The following ATP10A variants were observed in gnomAD, a reference collection of about 807,000 sequenced individuals.
ATP10A encodes phospholipid-transporting ATPase VA.
In ATP10A, 111 loss-of-function variants were observed where a neutral mutation model predicts 147.8. That is an observed-to-expected ratio of 0.75 (90% confidence interval 0.64 to 0.88). The LOEUF is 0.88. Among genes scored for constraint, ATP10A ranks in the 40% least tolerant of loss-of-function variants. ATP10A has a pLI of 0.00. For synonymous variants in ATP10A, 875 were observed against 841.6 expected (o/e 1.04, Z -0.69); for missense variants, 1,927 against 1,959.0 (o/e 0.98, Z 0.31).
chr15:25,842,323 T>C (rs961771109), intron 1 of ATP10A, among the ~76,000 whole-genome samples: 1 of 152,192 alleles, frequency 6.6e-6, no homozygotes, highest in Non-Finnish European at 1.5e-5. Flanking sequence ...ATACAGGAGA[T>C]AAAACAGAAG....
Position 25,679,861 on chromosome 15 carries a change from T to TAGGG in ATP10A, c.3979_3980insCCCT (p.Gln1327ProfsTer86), listed in dbSNP as rs1051165903. 2.5e-6 allele frequency: 4 copies of TAGGG among 1,610,266 alleles called. No homozygotes were observed. In the African/African-American group the frequency reaches 5.3e-5, roughly 21 times the overall value. On this transcript the variant is annotated frameshift_variant, in exon 21 of 21. Transcript: ENST00000555815. LOFTEE classifies it high-confidence loss of function. ...TCCCGAGTCCTTCGGGAGGCGTCCC[T>TAGGG]GAGCAAAGGTCTCTTTGGGAGCACT... is the stretch of plus-strand genomic sequence containing the variant.
chr15:25,680,703 C>G (rs1291781652), intron 19 of ATP10A, 107 bp downstream of exon 19: 3 of 1,029,588 alleles, frequency 2.9e-6, no homozygotes, highest in Non-Finnish European at 4.5e-6. Context: ...GCTTTGCAGT[C>G]TCCTGTCTAC....
chr15:25,756,826 T>C (rs1888440834), intron 2 of ATP10A, among the ~76,000 whole-genome samples: 1 of 152,218 alleles, frequency 6.6e-6, no homozygotes, highest in Non-Finnish European at 1.5e-5. Context: ...ATCAGCAAAA[T>C]ACCTGTGTAT....
intron 2 of ATP10A, among the ~76,000 whole-genome samples, chr15:25,773,436 G>C (rs1226928088): frequency 2.0e-5 from 3 of 152,142 alleles, no homozygotes; most frequent in African/African-American, 7.2e-5. Context: ...AAGCAGAAGG[G>C]AAATGACACA....
intron 14 of ATP10A, among the ~76,000 whole-genome samples, chr15:25,693,870 A>G (rs915566640): frequency 1.3e-5 from 2 of 152,200 alleles, no homozygotes; most frequent in African/African-American, 4.8e-5. Flanking sequence ...TGAGGTGCCC[A>G]CTGTGAACAG....
chr15:25,840,327 C>T (rs1892759750), intron 1 of ATP10A, among the ~76,000 whole-genome samples: 1 of 152,130 alleles, frequency 6.6e-6, no homozygotes, highest in African/African-American at 2.4e-5. Flanking sequence ...GTTATCTTTT[C>T]TGCTTCTCTT....
chr15:25,748,994 C>T (rs1887998977), intron 2 of ATP10A, among the ~76,000 whole-genome samples: 1 of 140,942 alleles, frequency 7.1e-6, no homozygotes, highest in Non-Finnish European at 1.5e-5. Flanking sequence ...AACTGAGAGG[C>T]AGAGGTTGCA....
At chr15:25,698,442 C>T (rs1313362435) in intron 13 of ATP10A, among the ~76,000 whole-genome samples, 1 of 152,132 alleles carries the variant, frequency 6.6e-6, no homozygotes, top group African/African-American at 2.4e-5. Context: ...ATTTTCTTTT[C>T]TCTAGCTTAC....
intron 1 of ATP10A, chr15:25,862,431 A>C: frequency 3.0e-6 from 2 of 663,864 alleles, no homozygotes; most frequent in Non-Finnish European, 5.4e-6. Context: ...GCGTCCCCGC[A>C]TCCAGGGCGC....
rs74003901 is a variant in ATP10A, at chr15:25,803,633, G to A, written c.450-22410C>T. On this transcript the variant is annotated intron_variant, in intron 1 of 20. Transcript: ENST00000555815. ...CATCACTAACACTTGTTCTACACAC[G>A]TATACATTCCCCAGGATCCAAGGCC... Among the ~76,000 whole-genome samples the A allele has an allele frequency of 3.9e-3, 593 of 152,262 alleles. 4 individuals carry two copies. The highest frequency in any genetic ancestry group is 0.014 in the African/African-American group (570 of 41,546).
intron 12 of ATP10A, among the ~76,000 whole-genome samples, chr15:25,707,589 A>C (rs1901111286): frequency 6.6e-6 from 1 of 152,210 alleles, no homozygotes; most frequent in Non-Finnish European, 1.5e-5. Context: ...ATTCACCTCG[A>C]ATCTGTGAAA....
chr15:25,780,222 T>A (rs948171944), intron 2 of ATP10A, among the ~76,000 whole-genome samples: 3 of 152,234 alleles, frequency 2.0e-5, no homozygotes, highest in Non-Finnish European at 4.4e-5. Context: ...AAAAGCCCAG[T>A]GGCATCCTCC....
At chr15:25,777,363 G>T (rs1889665954) in intron 2 of ATP10A, among the ~76,000 whole-genome samples, 1 of 152,086 alleles carries the variant, frequency 6.6e-6, no homozygotes, top group Admixed American at 6.6e-5. Context: ...TCCAGCAACT[G>T]CTCCTGGCAT....
At chr15:25,840,597 A>T (rs866324133) in intron 1 of ATP10A, among the ~76,000 whole-genome samples, 24 of 151,090 alleles carry the variant, frequency 1.6e-4, no homozygotes, top group Admixed American at 4.6e-4. Context: ...GTTATTATTT[A>T]AAAAAAAATG....
intron 2 of ATP10A, among the ~76,000 whole-genome samples, chr15:25,774,701 T>C (rs1037501941): frequency 6.7e-6 from 1 of 150,374 alleles, no homozygotes. Context: ...AAAAAAAAAA[T>C]CTTCTTCGGG....
At chr15:25,683,187 T>A in intron 17 of ATP10A, 99 bp downstream of exon 17, 1 of 1,104,394 alleles carries the variant, frequency 9.1e-7, no homozygotes, top group South Asian at 1.4e-5. Flanking sequence ...TTGTCCAGGG[T>A]GTCCATCTGA....
chr15:25,830,161 C>T (rs1439471174), intron 1 of ATP10A, among the ~76,000 whole-genome samples: 1 of 152,082 alleles, frequency 6.6e-6, no homozygotes, highest in Non-Finnish European at 1.5e-5. Flanking sequence ...GGTGATGTGC[C>T]GCTGCCAGCA....
At chr15:25,757,829 CCTAA>C (rs1290695822) in intron 2 of ATP10A, among the ~76,000 whole-genome samples, 2 of 147,770 alleles carry the variant, frequency 1.4e-5, no homozygotes, top group Admixed American at 6.7e-5. Flanking sequence ...CCTGCTCCAC[CCTAA>C]CTCATTCCGA....
chr15:25,756,400 T>G (rs1207677472), intron 2 of ATP10A, among the ~76,000 whole-genome samples: 2 of 152,106 alleles, frequency 1.3e-5, no homozygotes, highest in Non-Finnish European at 2.9e-5. Context: ...TCCCAGCACT[T>G]TGGGAGGCCG....
Sources: gnomAD v4.1 joint callset for allele counts (sites outside exome capture counted in the v4.1 genomes callset) on GRCh38, gnomAD v4.1.1 for gene constraint, MANE v1.5 for transcripts, NCBI Gene and HGNC (gene_info 2026-07-23, HGNC 2026-07-21) for gene names.